Variants in SLC9A9 observed in about 807,000 individuals in gnomAD.
SLC9A9 encodes sodium/hydrogen exchanger 9.
In SLC9A9, 62 loss-of-function variants were observed where a neutral mutation model predicts 77.8. That is an observed-to-expected ratio of 0.80 (90% CI 0.65 to 0.98). The LOEUF (loss-of-function observed/expected upper bound fraction) is 0.98. Among genes scored for constraint, SLC9A9 ranks in the 50% least tolerant of loss-of-function variants. The pLI, the probability that SLC9A9 is intolerant of heterozygous loss-of-function variation, is 0.00. For synonymous variants in SLC9A9, 320 were observed against 283.5 expected (o/e 1.13, Z -1.29); for missense variants, 775 against 774.9 (o/e 1.00, Z 0.00).
intron 4 of SLC9A9, among the ~76,000 whole-genome samples, chr3:143,731,850 A>G (rs954425087): frequency 5.9e-5 from 9 of 152,108 alleles, no homozygotes; most frequent in Admixed American, 5.9e-4. Context: ...TATCCCCATG[A>G]TCTGTTTGCC....
intron 6 of SLC9A9, among the ~76,000 whole-genome samples, chr3:143,583,521 A>G (rs923576334): frequency 6.6e-6 from 1 of 152,236 alleles, no homozygotes; most frequent in Non-Finnish European, 1.5e-5. Flanking sequence ...AGAGCATAGA[A>G]TCTGAATCTG....
intron 12 of SLC9A9, among the ~76,000 whole-genome samples, chr3:143,404,210 G>C (rs1397411772): frequency 7.1e-6 from 1 of 141,102 alleles, no homozygotes; most frequent in African/African-American, 2.6e-5. Context: ...GTCTCACTCT[G>C]TCACCCAGGC....
intron 12 of SLC9A9, among the ~76,000 whole-genome samples, chr3:143,460,044 T>G (rs2035162763): frequency 6.6e-6 from 1 of 152,184 alleles, no homozygotes; most frequent in African/African-American, 2.4e-5. Context: ...TCCACTCTTC[T>G]GACCCACAAA....
At chr3:143,421,790 C>T (rs2108527985) in intron 12 of SLC9A9, among the ~76,000 whole-genome samples, 1 of 152,166 alleles carries the variant, frequency 6.6e-6, no homozygotes, top group Non-Finnish European at 1.5e-5. Context: ...ACTATCAACA[C>T]AATAAACAGG....
At chr3:143,542,721 T>C (rs535000618) in intron 9 of SLC9A9, among the ~76,000 whole-genome samples, 23 of 152,372 alleles carry the variant, frequency 1.5e-4, no homozygotes, top group African/African-American at 5.5e-4. Context: ...TTAATTAGCA[T>C]ATATTCTCTT....
chr3:143,278,819 ACTT>A (rs1367038527), intron 14 of SLC9A9, among the ~76,000 whole-genome samples: 19 of 152,214 alleles, frequency 1.2e-4, no homozygotes, highest in South Asian at 2.1e-4. Context: ...ACACCTTGCT[ACTT>A]CTAAGTAATC....
At chr3:143,317,580 C>T (rs1013419898) in intron 14 of SLC9A9, among the ~76,000 whole-genome samples, 2 of 152,132 alleles carry the variant, frequency 1.3e-5, no homozygotes, top group Admixed American at 6.5e-5. Flanking sequence ...GATGTAGATC[C>T]TCTGGCTACA....
chr3:143,438,260 G>T (rs897043805), intron 12 of SLC9A9, among the ~76,000 whole-genome samples: 2 of 152,230 alleles, frequency 1.3e-5, no homozygotes, highest in African/African-American at 4.8e-5. Flanking sequence ...TGTGTGTCAG[G>T]GCGGTTGGTA....
chr3:143,369,544 A>G (rs1406263872), intron 13 of SLC9A9, among the ~76,000 whole-genome samples: 1 of 152,192 alleles, frequency 6.6e-6, no homozygotes, highest in Admixed American at 6.5e-5. Context: ...GGTAATGGCT[A>G]TGCTAATTAC....
Position 143,317,828 on chromosome 3 carries a change from T to C in SLC9A9, c.1604+45656A>G, listed in dbSNP as rs567333458. Among the ~76,000 whole-genome samples, 242 of 152,218 alleles carry C rather than the reference T, an allele frequency of 1.6e-3. 2 individuals are homozygous for C. Among genetic ancestry groups the C allele is most frequent in the African/African-American group, 1.5e-3 (64 of 41,558 alleles). On this transcript the variant is annotated intron_variant, in intron 14 of 15. Coordinates refer to ENST00000316549, the MANE Select transcript of SLC9A9 (RefSeq NM_173653.4). ...CTGCAAGCTCTGCCTCCCAGGTTCA[T>C]GCGATTCTCCTGCTTCAGCCTCCCG...
chr3:143,636,412 G>C (rs926157942), intron 6 of SLC9A9, among the ~76,000 whole-genome samples: 6 of 152,116 alleles, frequency 3.9e-5, no homozygotes, highest in African/African-American at 1.4e-4. Flanking sequence ...TATTTTCTAA[G>C]TAGACAATCA....
intron 9 of SLC9A9, among the ~76,000 whole-genome samples, chr3:143,524,256 A>T (rs954102805): frequency 3.3e-5 from 5 of 152,064 alleles, no homozygotes; most frequent in Non-Finnish European, 7.4e-5. Flanking sequence ...GGATGACCCA[A>T]CTCACTGAGA....
intron 14 of SLC9A9, among the ~76,000 whole-genome samples, chr3:143,323,609 A>G (rs145701120): frequency 6.6e-6 from 1 of 152,280 alleles, no homozygotes; most frequent in African/African-American, 2.4e-5. Context: ...GAAGTGACTT[A>G]AAGGGTGCAA....
At chr3:143,415,301 C>T (rs11719681) in intron 12 of SLC9A9, among the ~76,000 whole-genome samples, 40,922 of 152,074 alleles carry the variant, frequency 0.27, 6,040 homozygotes, top group Non-Finnish European at 0.34. Flanking sequence ...GTAGACAAAA[C>T]GGTCTTACGT....
At chr3:143,464,895 A>G (rs1465233081) in intron 12 of SLC9A9, among the ~76,000 whole-genome samples, 1 of 152,134 alleles carries the variant, frequency 6.6e-6, no homozygotes, top group Non-Finnish European at 1.5e-5. Flanking sequence ...CCACAAATCT[A>G]TGAACTTCAG....
intron 7 of SLC9A9, among the ~76,000 whole-genome samples, chr3:143,577,939 A>C (rs2037388805): frequency 6.6e-6 from 1 of 152,326 alleles, no homozygotes; most frequent in East Asian, 1.9e-4. Context: ...CTAAGTGAGC[A>C]GCCCACCAGA....
At chr3:143,774,427 G>A (rs532287786) in intron 4 of SLC9A9, among the ~76,000 whole-genome samples, 1 of 152,324 alleles carries the variant, frequency 6.6e-6, no homozygotes, top group East Asian at 1.9e-4. Flanking sequence ...GACGGCTTGG[G>A]TTCAAATCCC....
At chr3:143,412,493 C>T (rs531013925) in intron 12 of SLC9A9, among the ~76,000 whole-genome samples, 119 of 152,288 alleles carry the variant, frequency 7.8e-4, no homozygotes, top group African/African-American at 2.5e-3. Flanking sequence ...GCTCCTTCTC[C>T]GGTGTTTGCC....
chr3:143,355,601 G>A (rs2032565084), intron 14 of SLC9A9, among the ~76,000 whole-genome samples: 2 of 152,192 alleles, frequency 1.3e-5, no homozygotes, highest in Admixed American at 1.3e-4. Context: ...ACAGTGGAAT[G>A]TCTGTGTGTT....
Sources: allele counts gnomAD v4.1 joint callset (sites outside exome capture counted in the v4.1 genomes callset), GRCh38; gene constraint gnomAD v4.1.1; transcripts MANE v1.5; gene names NCBI Gene and HGNC (gene_info 2026-07-23, HGNC 2026-07-21).